The following USP22 variants were observed in gnomAD, a reference collection of about 807,000 sequenced individuals.
USP22 encodes the protein ubiquitin carboxyl-terminal hydrolase 22.
Under a neutral mutation model 68.1 loss-of-function variants are expected in USP22, and 22 were observed. The observed-to-expected ratio is 0.32, with a 90% CI of 0.23 to 0.46. The LOEUF is 0.46. USP22 is among the 20% of genes least tolerant of loss of function. The pLI, the probability that USP22 is intolerant of heterozygous loss-of-function variation, is 1.00. For synonymous variants in USP22, 279 were observed against 274.2 expected (o/e 1.02, Z -0.17); for missense variants, 433 against 695.8 (o/e 0.62, Z 4.25).
At chr17:21,026,034 C>T (rs755370061) in intron 2 of USP22, among the ~76,000 whole-genome samples, 9 of 152,014 alleles carry the variant, frequency 5.9e-5, no homozygotes, top group Non-Finnish European at 5.9e-5. Flanking sequence ...CCGAGGCAGG[C>T]GATCACCAGA....
At chr17:21,015,968 T>C in intron 5 of USP22, 69 bp from the exon 6 acceptor site, 1 of 1,527,254 alleles carries the variant, frequency 6.5e-7, no homozygotes, top group Admixed American at 2.1e-5. Flanking sequence ...GTACACACAA[T>C]CAAAACCTTT....
rs936859830 is a variant in USP22, at chr17:21,040,380, C to A, written c.171+2285G>T. On this transcript the variant is annotated intron_variant, in intron 1 of 12. Coordinates refer to ENST00000261497, the MANE Select transcript of USP22 (RefSeq NM_015276.2). ...CATGAAGTGATACAGGTAAATAAGTCCCCCCAGTCAGAGGAAAAAGCATGG... is the reference window on the plus strand; with the variant it reads ...CATGAAGTGATACAGGTAAATAAGTACCCCCAGTCAGAGGAAAAAGCATGG... 2.6e-5 allele frequency among the ~76,000 whole-genome samples: 4 copies of A among 152,236 alleles called. No homozygotes were observed. In the South Asian group the frequency reaches 8.3e-4, roughly 32 times the overall value.
chr17:21,019,023 T>C, intron 4 of USP22, 61 bp downstream of exon 4: 1 of 1,546,212 alleles, frequency 6.5e-7, no homozygotes, highest in East Asian at 2.3e-5. Flanking sequence ...CCCACAATTC[T>C]GTATTTACTT....
At chr17:21,020,351 C>T (rs1972141384) in intron 3 of USP22, among the ~76,000 whole-genome samples, 1 of 151,786 alleles carries the variant, frequency 6.6e-6, no homozygotes, top group Admixed American at 6.6e-5. Flanking sequence ...TCTGTGTAGC[C>T]AATAACCAGT....
intron 2 of USP22, among the ~76,000 whole-genome samples, chr17:21,026,824 C>G (rs1972226485): frequency 1.4e-5 from 2 of 143,368 alleles, no homozygotes; most frequent in South Asian, 4.4e-4. Context: ...TTTTTTGAGA[C>G]AGATTCTCGC....
chr17:21,035,515 C>CAAA (rs397713970), intron 1 of USP22, among the ~76,000 whole-genome samples: 27 of 147,412 alleles, frequency 1.8e-4, no homozygotes, highest in Admixed American at 1.8e-3. Flanking sequence ...GGAAATAGGA[C>CAAA]AAAAAAAAAA....
intron 1 of USP22, among the ~76,000 whole-genome samples, chr17:21,040,825 A>G (rs1297274680): frequency 6.6e-6 from 1 of 151,842 alleles, no homozygotes; most frequent in Non-Finnish European, 1.5e-5. Context: ...CAATCCGGAC[A>G]CTACTGACCC....
At chr17:21,025,868 G>T (rs1262952635) in intron 2 of USP22, among the ~76,000 whole-genome samples, 1 of 152,176 alleles carries the variant, frequency 6.6e-6, no homozygotes, top group African/African-American at 2.4e-5. Context: ...ATCTGTTAAC[G>T]ACGCATTCCT....
Position 21,004,777 on chromosome 17 carries a change from CTGCGGGCAGCCAATAGTG to C in USP22, c.1385+133_1385+150del. 8 of 87,220 alleles carry C rather than the reference CTGCGGGCAGCCAATAGTG, an allele frequency of 9.2e-5. 1 individual carries two copies. Among genetic ancestry groups the C allele is most frequent in the Middle Eastern group, 3.2e-3 (1 of 308 alleles). The allele number at this position is 87,220 out of a possible 1,614,324, so 5.4% of individuals were successfully genotyped here. On this transcript the variant is annotated intron_variant, in intron 11 of 12. Transcript: ENST00000261497. The stretch of plus-strand genomic sequence containing the variant: ...CGTGGAGCGGCCTTTCCTAGTGGAG[CTGCGGGCAGCCAATAGTG>C]GAGCTGCGGGCAGCCAAGCGGGAAG...
intron 2 of USP22, among the ~76,000 whole-genome samples, chr17:21,025,669 A>G (rs1972210671): frequency 6.6e-6 from 1 of 152,246 alleles, no homozygotes; most frequent in Non-Finnish European, 1.5e-5. Flanking sequence ...AGCCATACAA[A>G]GGAATGAAAT....
At chr17:21,037,682 G>T (rs944093265) in intron 1 of USP22, among the ~76,000 whole-genome samples, 3 of 152,136 alleles carry the variant, frequency 2.0e-5, no homozygotes, top group African/African-American at 7.2e-5. Context: ...AAGTAATGTG[G>T]GATTCTGAGA....
intron 5 of USP22, among the ~76,000 whole-genome samples, chr17:21,017,556 C>T (rs551508634): frequency 6.6e-6 from 1 of 152,146 alleles, no homozygotes; most frequent in Non-Finnish European, 1.5e-5. Context: ...AGAGACCTGG[C>T]GGTGGAGGAG....
At chr17:21,026,230 G>C (rs1972217906) in intron 2 of USP22, among the ~76,000 whole-genome samples, 2 of 152,204 alleles carry the variant, frequency 1.3e-5, no homozygotes, top group Non-Finnish European at 2.9e-5. Flanking sequence ...TGCACAGCAT[G>C]ATATTGAGGT....
intron 2 of USP22, among the ~76,000 whole-genome samples, chr17:21,026,411 G>C (rs140614278): frequency 3.2e-4 from 48 of 152,054 alleles, no homozygotes; most frequent in African/African-American, 1.2e-3. Flanking sequence ...CCACAGCCTT[G>C]ACCTCCTAGG....
At chr17:21,040,686 T>TA (rs938382640) in intron 1 of USP22, among the ~76,000 whole-genome samples, 18 of 151,786 alleles carry the variant, frequency 1.2e-4, no homozygotes, top group African/African-American at 3.9e-4. Context: ...TCTATTTGGT[T>TA]AAAAAATACC....
chr17:21,022,857 C>A (rs1972173926), intron 2 of USP22, among the ~76,000 whole-genome samples: 1 of 151,682 alleles, frequency 6.6e-6, no homozygotes, highest in Admixed American at 6.6e-5. Flanking sequence ...GTAAATGGCT[C>A]TACCATAAAG....
intron 8 of USP22, among the ~76,000 whole-genome samples, chr17:21,009,343 C>T (rs1913875780): frequency 6.6e-6 from 1 of 152,156 alleles, no homozygotes; most frequent in Admixed American, 6.5e-5. Flanking sequence ...GAAATTCTGC[C>T]ATCTTAACTA....
chr17:21,012,433 A>G (rs1290077262), intron 7 of USP22, among the ~76,000 whole-genome samples: 2 of 152,206 alleles, frequency 1.3e-5, no homozygotes, highest in Non-Finnish European at 2.9e-5. Context: ...ACCAGAAACC[A>G]TAAAATAATG....
Position 21,003,055 on chromosome 17 carries a change from G to A in USP22, c.1554C>T (p.His518=). ...LDSEGYLLFY[H]KQFLEYE Reference sequence around the variant, plus strand: ...GCTACTCGTATTCCAGGAACTGTTTGTGATAGAACAGCAAGTACCTGTGGA... The same window carrying A: ...GCTACTCGTATTCCAGGAACTGTTTATGATAGAACAGCAAGTACCTGTGGA... Residue 518 remains histidine, a synonymous_variant, in exon 13 of 13, where the codon CAC becomes CAT. Coordinates refer to ENST00000261497, the MANE Select transcript of USP22 (RefSeq NM_015276.2). 2.5e-6 allele frequency: 4 copies of A among 1,614,014 alleles called. No individual in the cohort carries two copies. Among genetic ancestry groups the A allele is most frequent in the Non-Finnish European group, 2.5e-6 (3 of 1,179,948 alleles).
Sources: gnomAD v4.1 joint callset for allele counts (sites outside exome capture counted in the v4.1 genomes callset) on GRCh38, gnomAD v4.1.1 for gene constraint, MANE v1.5 for transcripts, NCBI Gene and HGNC (gene_info 2026-07-23, HGNC 2026-07-21) for gene names.